Variants in KCNK17 observed in about 807,000 individuals in gnomAD.
The protein encoded by KCNK17 is potassium channel subfamily K member 17.
Under a neutral mutation model 24.6 loss-of-function variants are expected in KCNK17, and 27 were observed. The ratio of observed to expected loss-of-function variants is 1.10; its 90% CI spans 0.81 to 1.51. The LOEUF (loss-of-function observed/expected upper bound fraction) is 1.51. Ranked by LOEUF, KCNK17 falls within the 40% of genes most tolerant of loss-of-function variation. KCNK17 has a pLI of 0.00. For missense variants in KCNK17, 450 were observed against 436.6 expected, an observed-to-expected ratio of 1.03 and a Z score of -0.27; for synonymous variants, 181 against 189.8, an observed-to-expected ratio of 0.95 and a Z score of 0.38.
Position 39,306,232 on chromosome 6 carries a change from C to T in KCNK17, c.353-1577G>A, listed in dbSNP as rs143797394. ...CTAATTTTTGTATTTTTAGTAGAGACGGGGTTTTGCCATGTTGGCCAGGCT... is the reference window on the plus strand; with the variant it reads ...CTAATTTTTGTATTTTTAGTAGAGATGGGGTTTTGCCATGTTGGCCAGGCT... On this transcript the variant is annotated intron_variant, in intron 2 of 4. Transcript: ENST00000373231. Among the ~76,000 whole-genome samples, 625 of 152,122 alleles carry T rather than the reference C, an allele frequency of 4.1e-3. 2 individuals carry two copies. Among genetic ancestry groups the T allele is most frequent in the Middle Eastern group, 6.8e-3 (2 of 292 alleles).
At chr6:39,303,635 T>A (rs1761980928) in intron 4 of KCNK17, among the ~76,000 whole-genome samples, 1 of 151,882 alleles carries the variant, frequency 6.6e-6, no homozygotes, top group African/African-American at 2.4e-5. Flanking sequence ...TGGCCTTCCA[T>A]AGGGAGAGAG....
rs1762082497 is a variant in KCNK17, at chr6:39,308,924, C to G, written c.352+1969G>C. On this transcript the variant is annotated intron_variant, in intron 2 of 4. Transcript: ENST00000373231. ...GGTGTGGTCAGCATCACAGAACCCT[C>G]ACTCCCCTCCTGTTCACTCCACAAT... Among the ~76,000 whole-genome samples, 4 of 152,356 alleles carry G rather than the reference C, an allele frequency of 2.6e-5. No individual in the cohort carries two copies. The South Asian group carries it at 8.3e-4, about 32-fold the overall frequency.
chr6:39,310,441 G>A (rs535584333), intron 2 of KCNK17, among the ~76,000 whole-genome samples: 3 of 151,964 alleles, frequency 2.0e-5, no homozygotes, highest in South Asian at 2.1e-4. Context: ...AGAAACGGGG[G>A]GTCTAAAGCT....
At chr6:39,313,171 C>T (rs548258376) in intron 1 of KCNK17, among the ~76,000 whole-genome samples, 2 of 152,352 alleles carry the variant, frequency 1.3e-5, no homozygotes, top group East Asian at 1.9e-4. Flanking sequence ...CCAAATCGAG[C>T]AGCTGCCAGT....
At position 39,314,398 on chromosome 6, in the gene KCNK17, G is replaced by T; in HGVS notation, c.-78C>A. On this transcript the variant is annotated 5_prime_UTR_variant, in exon 1 of 5. Coordinates refer to ENST00000373231, the MANE Select transcript of KCNK17 (RefSeq NM_031460.4). ...GAGGGAAGGGCCAGGCGTCCAGCTCGTATCTCCTCTCGCAAACGCCTGCTG... is the reference window on the plus strand; with the variant it reads ...GAGGGAAGGGCCAGGCGTCCAGCTCTTATCTCCTCTCGCAAACGCCTGCTG... The T allele has an allele frequency of 2.8e-6, 3 of 1,065,174 alleles. No individual in the cohort carries two copies. The highest frequency in any genetic ancestry group is 2.6e-6 in the Non-Finnish European group (2 of 783,566). The allele number at this position is 1,065,174 out of a possible 1,614,324, so 66.0% of individuals were successfully genotyped here. A position where few individuals can be genotyped will look rare whatever the true frequency, so the allele number is the denominator to read the frequency against.
intron 1 of KCNK17, 93 bp from the exon 2 acceptor site, chr6:39,311,100 ACACACACACACACACAC>A: frequency 2.0e-5 from 12 of 608,338 alleles, no homozygotes; most frequent in African/African-American, 1.6e-4. Context: ...ACACACACAC[ACACACACACACACACAC>A]ACAAACAAAC....
At chr6:39,300,135 G>A (rs1761925553) in intron 4 of KCNK17, among the ~76,000 whole-genome samples, 1 of 152,168 alleles carries the variant, frequency 6.6e-6, no homozygotes, top group Non-Finnish European at 1.5e-5. Context: ...GTTTTGTTTT[G>A]TTTTGGAGAC....
chr6:39,312,632 G>A (rs917935176), intron 1 of KCNK17, among the ~76,000 whole-genome samples: 1 of 152,254 alleles, frequency 6.6e-6, no homozygotes, highest in African/African-American at 2.4e-5. Flanking sequence ...CCACCTGTGA[G>A]GGAGGTGAGA....
At chr6:39,300,600 T>C in intron 4 of KCNK17, 2 of 1,421,060 alleles carry the variant, frequency 1.4e-6, no homozygotes, top group Non-Finnish European at 1.9e-6. Flanking sequence ...GCCACCTGTC[T>C]GAACCTCCTT....
intron 2 of KCNK17, among the ~76,000 whole-genome samples, chr6:39,309,258 A>G (rs1352032231): frequency 6.6e-6 from 1 of 152,202 alleles, no homozygotes; most frequent in Non-Finnish European, 1.5e-5. Context: ...TGGGAGGCGG[A>G]GGTTTCAGTG....
chr6:39,305,434 G>A (rs1192209945), intron 2 of KCNK17, among the ~76,000 whole-genome samples: 1 of 152,134 alleles, frequency 6.6e-6, no homozygotes, highest in African/African-American at 2.4e-5. Context: ...CCCTCATAAA[G>A]CTCAGTGGGA....
At chr6:39,312,264 G>C (rs1314984979) in intron 1 of KCNK17, among the ~76,000 whole-genome samples, 2 of 152,172 alleles carry the variant, frequency 1.3e-5, no homozygotes, top group Non-Finnish European at 2.9e-5. Context: ...TTGGCCTTGA[G>C]GAATTTCAGA....
chr6:39,314,309 C>A lies in KCNK17; in HGVS notation c.12G>T (p.Pro4=). 6.9e-7 allele frequency: 1 copy of A among 1,458,124 alleles called. No individual in the cohort carries two copies. Among genetic ancestry groups the A allele is most frequent in the Non-Finnish European group, 9.0e-7 (1 of 1,109,102 alleles). 90.3% of individuals were successfully genotyped at this position (1,458,124 alleles called of 1,614,324 possible). A position where few individuals can be genotyped will look rare whatever the true frequency, so the allele number is the denominator to read the frequency against. Residue 4 remains proline, a synonymous_variant, in exon 1 of 5, where the codon CCG becomes CCT. Transcript: ENST00000373231. ...TGCCCTCGGGAGCCGCCCGGGCTCGCGGTCGGTACATAGCGGGAGAGGCGG... is the reference window on the plus strand; with the variant it reads ...TGCCCTCGGGAGCCGCCCGGGCTCGAGGTCGGTACATAGCGGGAGAGGCGG... The part of the protein sequence containing the change: MYR[P]RARAAPEGRV...
intron 3 of KCNK17, 41 bp from the exon 4 acceptor site, chr6:39,304,172 A>G (rs1761994945): frequency 6.3e-7 from 1 of 1,578,596 alleles, no homozygotes; most frequent in Admixed American, 1.7e-5. Context: ...TGAGGCCTTC[A>G]CCCCATGCGT....
At chr6:39,302,200 T>G (rs1445924986) in intron 4 of KCNK17, among the ~76,000 whole-genome samples, 1 of 152,206 alleles carries the variant, frequency 6.6e-6, no homozygotes, top group Non-Finnish European at 1.5e-5. Flanking sequence ...GGAGAAGCTC[T>G]GCCAACTGCA....
chr6:39,299,473 T>A lies in KCNK17; in HGVS notation c.953A>T (p.His318Leu). ...YPEGPMGIIQ[H>L]LEPSAHAAGC... is the part of the protein sequence containing the mutation. The stretch of plus-strand genomic sequence containing the variant: ...TGCAGCGTGAGCAGAAGGTTCCAGA[T>A]GCTGTATGATTCCCATGGGTCCCTC... Residue 318 changes from histidine (H) to leucine (L), a missense_variant, in exon 5 of 5, where the codon CAT becomes CTT. Physicochemically the swap from His to Leu is moderately conservative, Grantham distance 99 (BLOSUM62 -3). Transcript: ENST00000373231. The A allele has an allele frequency of 6.2e-7, 1 of 1,614,188 alleles. No individual in the cohort carries two copies. Among genetic ancestry groups the A allele is most frequent in the Non-Finnish European group, 8.5e-7 (1 of 1,180,028 alleles).
chr6:39,300,286 CTAT>C, intron 4 of KCNK17: 1 of 598,208 alleles, frequency 1.7e-6, no homozygotes, highest in Non-Finnish European at 3.0e-6. Flanking sequence ...CCACGCCCGG[CTAT>C]TTTTTTGTAT....
chr6:39,310,869 C>T (rs2080861334), intron 2 of KCNK17, 24 bp downstream of exon 2: 3 of 1,398,294 alleles, frequency 2.1e-6, no homozygotes, highest in African/African-American at 1.4e-5. Context: ...CACCCCCATC[C>T]CCCTGGCCCC....
In KCNK17 at chr6:39,314,136, A is replaced by T; in HGVS notation, c.185T>A (p.Leu62Gln). The change falls in exon 1 of 5, where the codon CTG (leucine) becomes CAG (glutamine). Residue 62 changes from leucine (L) to glutamine (Q), a missense_variant. Coordinates refer to ENST00000373231, the MANE Select transcript of KCNK17 (RefSeq NM_031460.4). Reference sequence around the variant, plus strand: ...GTCCAGACACGTGAAGTTCTGCAACAGCTCCCACTTGTCGCGCTGGAAGCT... The same window carrying T: ...GTCCAGACACGTGAAGTTCTGCAACTGCTCCCACTTGTCGCGCTGGAAGCT... Reference protein sequence around the residue: ...SRSFQRDKWELLQNFTCLDRP... With the variant: ...SRSFQRDKWEQLQNFTCLDRP... 1 of 1,595,346 alleles carries T rather than the reference A, an allele frequency of 6.3e-7. No homozygotes were observed. The highest frequency in any genetic ancestry group is 8.5e-7 in the Non-Finnish European group (1 of 1,174,040).
Sources: gnomAD v4.1 joint callset for allele counts (sites outside exome capture counted in the v4.1 genomes callset) on GRCh38, gnomAD v4.1.1 for gene constraint, MANE v1.5 for transcripts, NCBI Gene and HGNC (gene_info 2026-07-23, HGNC 2026-07-21) for gene names.